The following HAUS7 variants were observed in gnomAD, a reference collection of about 807,000 sequenced individuals.
HAUS7 encodes HAUS augmin-like complex subunit 7.
A neutral mutation model predicts 28.4 loss-of-function variants in HAUS7; 3 were observed. The ratio of observed to expected loss-of-function variants is 0.11; its 90% CI spans 0.05 to 0.27. The LOEUF is 0.27. Among genes scored for constraint, HAUS7 ranks in the 10% least tolerant of loss-of-function variants. The pLI, the probability that HAUS7 is intolerant of heterozygous loss-of-function variation, is 1.00. For synonymous variants in HAUS7, 165 were observed against 132.1 expected (o/e 1.25, Z -1.71); for missense variants, 284 against 297.3 (o/e 0.96, Z 0.33).
At chrX:153,452,518 A>G (rs1556981232) in intron 9 of HAUS7, among the ~76,000 whole-genome samples, 1 of 112,434 alleles carries the variant, frequency 8.9e-6, no homozygotes, top group African/African-American at 3.2e-5. Context: ...CTTTTAAAAG[A>G]AGTGTTAAAG....
At chrX:153,488,846 G>T (rs1186974039) in intron 1 of HAUS7, among the ~76,000 whole-genome samples, 1 of 113,263 alleles carries the variant, frequency 8.8e-6, no homozygotes, top group African/African-American at 3.2e-5. Flanking sequence ...GATGAGGCAG[G>T]TGGGGAGGAG....
At chrX:153,462,004 T>A (rs782716092) in intron 4 of HAUS7, 10 of 524,649 alleles carry the variant, frequency 1.9e-5, no homozygotes, top group Non-Finnish European at 3.3e-5. Flanking sequence ...CCAACCACCT[T>A]GTGCACATGT....
chrX:153,475,902 T>G (rs2089559806), intron 1 of HAUS7, among the ~76,000 whole-genome samples: 1 of 111,775 alleles, frequency 8.9e-6, no homozygotes, highest in African/African-American at 3.3e-5. Context: ...CACCCGCTCC[T>G]CCTCGCAACC....
In HAUS7 at chrX:153,447,692, T is replaced by C; in HGVS notation, c.*186A>G. On this transcript the variant is annotated 3_prime_UTR_variant, in exon 10 of 10. Coordinates refer to ENST00000370211, the MANE Select transcript of HAUS7 (RefSeq NM_001385482.1). The stretch of plus-strand genomic sequence containing the variant: ...CTTAGAAACCAAGGCTTTCTTTGTG[T>C]CCAAGTCAAACCGCCCGTCTGTCTC... 2 of 566,141 alleles carry C rather than the reference T, an allele frequency of 3.5e-6. No homozygotes were observed. The highest frequency in any genetic ancestry group is 6.5e-6 in the Non-Finnish European group (2 of 307,468). The allele number at this position is 566,141 out of a possible 1,213,427, so 46.7% of individuals were successfully genotyped here. A position where few individuals can be genotyped will look rare whatever the true frequency, so the allele number is the denominator to read the frequency against.
At chrX:153,479,245 C>T in intron 1 of HAUS7, 1 of 604,912 alleles carries the variant, frequency 1.7e-6, no homozygotes, top group Non-Finnish European at 2.0e-6. Flanking sequence ...CCCAGCTCTC[C>T]TTCCCTCCAT....
chrX:153,461,936 C>A (rs1334721095), intron 4 of HAUS7: 8 of 410,680 alleles, frequency 1.9e-5, no homozygotes, highest in Non-Finnish European at 3.4e-5. Context: ...CAGTGTACAT[C>A]TCACATGGAT....
intron 3 of HAUS7, among the ~76,000 whole-genome samples, chrX:153,463,527 G>A (rs1488419312): frequency 1.8e-5 from 2 of 111,977 alleles, no homozygotes; most frequent in Non-Finnish European, 3.8e-5. Context: ...GCCCCACACC[G>A]CTCTCCCTGC....
upstream of HAUS7, among the ~76,000 whole-genome samples, chrX:153,475,051 C>T (rs1244038741): frequency 2.7e-5 from 3 of 112,411 alleles, no homozygotes; most frequent in Non-Finnish European, 3.8e-5. Context: ...TGCCCGAGCT[C>T]CCCGGCCGGG....
intron 1 of HAUS7, chrX:153,481,458 T>A (rs782647239): frequency 2.3e-5 from 17 of 753,924 alleles, no homozygotes; most frequent in Middle Eastern, 4.9e-4. Flanking sequence ...CCCCAGGCCA[T>A]GGGTGGAAAA....
At chrX:153,457,328 A>G in intron 4 of HAUS7, 100 bp from the exon 5 acceptor site, 1 of 563,122 alleles carries the variant, frequency 1.8e-6, no homozygotes, top group Admixed American at 2.8e-5. Context: ...CCATGCCAGG[A>G]GCCAGGGGAA....
chrX:153,457,010 C>T, intron 5 of HAUS7, 127 bp downstream of exon 5: 2 of 506,007 alleles, frequency 4.0e-6, no homozygotes, highest in Non-Finnish European at 6.8e-6. Context: ...CCAGCCAGAT[C>T]CCCAAGTGGG....
intron 1 of HAUS7, chrX:153,486,152 C>G (rs782363658): frequency 1.2e-6 from 1 of 810,265 alleles, no homozygotes; most frequent in Admixed American, 4.9e-5. Flanking sequence ...CCGCACCCTG[C>G]CAGCACACAG....
At chrX:153,458,926 T>C (rs1556982828) in intron 4 of HAUS7, among the ~76,000 whole-genome samples, 1 of 111,834 alleles carries the variant, frequency 8.9e-6, no homozygotes, top group East Asian at 2.8e-4. Context: ...GTCTGGCTAA[T>C]TTTTTACTTT....
chrX:153,481,255 G>C lies in HAUS7; in HGVS notation c.-588-10110C>G, dbSNP rs937974239. On this transcript the variant is annotated intron_variant, in intron 1 of 5. Coordinates refer to the HAUS7 transcript ENST00000370210. ...CCCAGTAACCTGTCGCTCCAACCCA[G>C]GCTGGCTGAGTCACTGGCAGGCCCT... The C allele has an allele frequency of 4.0e-5, 25 of 617,452 alleles. No homozygotes were observed. In the African/African-American group the frequency reaches 7.4e-4, roughly 18 times the overall value. 50.9% of individuals were successfully genotyped at this position (617,452 alleles called of 1,213,427 possible).
intron 6 of HAUS7, 47 bp downstream of exon 6, chrX:153,456,446 G>A: frequency 8.5e-7 from 1 of 1,176,741 alleles, no homozygotes; most frequent in Non-Finnish European, 1.1e-6. Context: ...CCTGGGGCTG[G>A]GACAGGAGGC....
At position 153,481,618 on chromosome X, in the gene HAUS7, C is replaced by G. The variant is rs7066265; in HGVS notation, c.-588-10473G>C. On this transcript the variant is annotated intron_variant, in intron 1 of 5. Coordinates refer to the HAUS7 transcript ENST00000370210. ...GATGAAGCATGTCCCTGCCCTGACC[C>G]ACCCTGGTCTGACCACACTCTACCT... is the stretch of plus-strand genomic sequence containing the variant. 8.6e-3 allele frequency: 6,493 copies of G among 754,303 alleles called. 330 individuals are homozygous for G. In the African/African-American group the frequency reaches 0.14, roughly 16 times the overall value. The allele number at this position is 754,303 out of a possible 1,213,427, so 62.2% of individuals were successfully genotyped here.
chrX:153,463,554 C>T (rs2089419709), intron 3 of HAUS7, among the ~76,000 whole-genome samples: 1 of 112,661 alleles, frequency 8.9e-6, no homozygotes, highest in Non-Finnish European at 1.9e-5. Context: ...CCCGGGCACC[C>T]TGTTCCCAGC....
rs1322471564 is a variant in HAUS7 at position 153,460,042 on chromosome X, C to A, written c.354+2568G>T. Among the ~76,000 whole-genome samples, 3 of 112,501 alleles carry A rather than the reference C, an allele frequency of 2.7e-5. No homozygotes were observed. In the Admixed American group the frequency reaches 2.8e-4, roughly 11 times the overall value. Reference sequence around the variant, plus strand: ...ATCTCCTTCCTCCCTCCTCCAACTCCCAGGTCTCAATAATACCAATGGAAT... The same window carrying A: ...ATCTCCTTCCTCCCTCCTCCAACTCACAGGTCTCAATAATACCAATGGAAT... On this transcript the variant is annotated intron_variant, in intron 4 of 9. Coordinates refer to ENST00000370211, the MANE Select transcript of HAUS7 (RefSeq NM_001385482.1).
rs782073798 is a variant in HAUS7 at position 153,456,260 on chromosome X, C to T, written c.705+5G>A. The T allele has an allele frequency of 8.3e-7, 1 of 1,198,701 alleles. No homozygotes were observed. The highest frequency in any genetic ancestry group is 1.1e-6 in the Non-Finnish European group (1 of 884,614). On this transcript the variant is annotated splice_donor_5th_base_variant and intron_variant, in intron 7 of 9. Transcript: ENST00000370211. ...CAACCCCCTCCCAGGAGCTAGCACC[C>T]TCACCTCCGTTCTAAGCGCGTGCAA...
Sources: gnomAD v4.1 joint callset for allele counts (sites outside exome capture counted in the v4.1 genomes callset) on GRCh38, gnomAD v4.1.1 for gene constraint, MANE v1.5 for transcripts, NCBI Gene and HGNC (gene_info 2026-07-23, HGNC 2026-07-21) for gene names.